The following PCDHGB2 variants were observed in gnomAD, a reference collection of about 807,000 sequenced individuals.
PCDHGB2 encodes the protein protocadherin gamma-B2.
A neutral mutation model predicts 59.3 loss-of-function variants in PCDHGB2; 55 were observed. The observed-to-expected ratio is 0.93, with a 90% CI of 0.75 to 1.16. The LOEUF (loss-of-function observed/expected upper bound fraction) is 1.16, where lower values mean the gene tolerates loss of function less well. Among genes scored for constraint, PCDHGB2 ranks in the 50% most tolerant of loss-of-function variants. The probability of loss-of-function intolerance (pLI) is 0.00; values close to 1 mark genes in which losing one functional copy is unlikely to be tolerated. For missense variants in PCDHGB2, 1,228 were observed against 1,198.5 expected (o/e 1.02, Z -0.36); for synonymous variants, 516 against 512.0 (o/e 1.01, Z -0.11).
intron 1 of PCDHGB2, chr5:141,365,891 G>A (rs1764189637): frequency 1.2e-6 from 2 of 1,614,018 alleles, no homozygotes; most frequent in Non-Finnish European, 1.7e-6. Flanking sequence ...GAGATCCTTC[G>A]ACTATGAGCA....
chr5:141,423,574 C>T (rs953989787), intron 1 of PCDHGB2: 2 of 1,613,328 alleles, frequency 1.2e-6, no homozygotes, highest in Non-Finnish European at 1.7e-6. Flanking sequence ...GCTCATCAGC[C>T]AGGAGAGCTG....
intron 1 of PCDHGB2, among the ~76,000 whole-genome samples, chr5:141,458,890 C>A (rs369529373): frequency 2.0e-5 from 3 of 152,042 alleles, no homozygotes; most frequent in African/African-American, 7.2e-5. Flanking sequence ...GCACACCATG[C>A]GCAGCTAATT....
chr5:141,413,760 C>G (rs778067298), intron 1 of PCDHGB2: 2 of 1,613,250 alleles, frequency 1.2e-6, no homozygotes, highest in African/African-American at 2.7e-5. Context: ...GCGTCAAGTA[C>G]CCGGAGCTGG....
rs1452714844 is a variant in PCDHGB2, at chr5:141,389,265, G to A, written c.2421+26709G>A. ...GTCTTCCTATATAGTCCACGTGGCC[G>A]AGAACAACCCGCCTGGAGCCTCTAT... On this transcript the variant is annotated intron_variant, in intron 1 of 3. Transcript: ENST00000522605. 3.7e-6 allele frequency: 6 copies of A among 1,613,886 alleles called. No homozygotes were observed. The highest frequency in any genetic ancestry group is 4.5e-5 in the East Asian group (2 of 44,886).
chr5:141,418,497 CCG>C, intron 1 of PCDHGB2: 1 of 1,613,994 alleles, frequency 6.2e-7, no homozygotes, highest in Non-Finnish European at 8.5e-7. Flanking sequence ...TTGGTACTGA[CCG>C]CCTTAGATGG....
chr5:141,405,141 A>T (rs749502643), intron 1 of PCDHGB2: 4 of 1,613,862 alleles, frequency 2.5e-6, no homozygotes, highest in African/African-American at 1.3e-5. Flanking sequence ...GCTACCAGTG[A>T]TGGGTTGGCT....
intron 1 of PCDHGB2, chr5:141,376,025 G>A (rs1561571387): frequency 6.2e-7 from 1 of 1,613,266 alleles, no homozygotes; most frequent in East Asian, 2.2e-5. Flanking sequence ...GGCCGTCCAG[G>A]ACCACGGCCA....
intron 1 of PCDHGB2, chr5:141,364,326 A>T (rs1186255733): frequency 7.2e-6 from 11 of 1,528,198 alleles, no homozygotes; most frequent in Non-Finnish European, 9.6e-6. Context: ...GGCAGAGAGA[A>T]GGCAATGGCG....
At chr5:141,409,047 G>T in intron 1 of PCDHGB2, 2 of 1,613,982 alleles carry the variant, frequency 1.2e-6, no homozygotes, top group Admixed American at 1.7e-5. Flanking sequence ...TACTACTTCC[G>T]AAGCACTGCC....
At chr5:141,416,993 C>T (rs1230909560) in intron 1 of PCDHGB2, 1 of 151,494 alleles carries the variant, frequency 6.6e-6, no homozygotes, top group Non-Finnish European at 1.5e-5. Context: ...ATTGTGCATT[C>T]ATCTCAAATA....
rs765818637 is a variant in PCDHGB2 at position 141,409,918 on chromosome 5, C to T, written c.2421+47362C>T. ...ACCCAGCTCTGGGTCCTGACGGCTC[C>T]GCGTTCTTCGATATGGTACCTCGCT... On this transcript the variant is annotated intron_variant, in intron 1 of 3. Coordinates refer to ENST00000522605, the MANE Select transcript of PCDHGB2 (RefSeq NM_018923.3). 1.9e-6 allele frequency: 3 copies of T among 1,613,222 alleles called. No individual in the cohort carries two copies. In the African/African-American group the frequency reaches 4.0e-5, roughly 22 times the overall value.
rs775416808 is a variant in PCDHGB2, at chr5:141,429,727, G to A, written c.2422-65080G>A. ...TAAATATTTACGCTCATGAAAGTAC[G>A]TAGCCAGTTATTTCTTAGGGAGAAT... On this transcript the variant is annotated intron_variant, in intron 1 of 3. Transcript: ENST00000522605. 7.2e-5 allele frequency among the ~76,000 whole-genome samples: 11 copies of A among 152,158 alleles called. 1 individual carries two copies. The highest frequency in any genetic ancestry group is 1.9e-4 in the East Asian group (1 of 5,188).
At chr5:141,452,511 A>G (rs573632978) in intron 1 of PCDHGB2, among the ~76,000 whole-genome samples, 1 of 152,056 alleles carries the variant, frequency 6.6e-6, no homozygotes, top group South Asian at 2.1e-4. Context: ...TTGTACACAC[A>G]CTCCCTCAAA....
intron 1 of PCDHGB2, chr5:141,415,791 C>CTTT: frequency 1.5e-6 from 2 of 1,341,938 alleles, no homozygotes; most frequent in Non-Finnish European, 1.9e-6. Flanking sequence ...GTAAAATTCA[C>CTTT]CTAGTCTCAA....
intron 1 of PCDHGB2, chr5:141,403,381 C>T (rs1022563452): frequency 4.3e-6 from 7 of 1,614,038 alleles, no homozygotes; most frequent in Non-Finnish European, 8.5e-7. Context: ...TAAAAATTAA[C>T]GAAATCGCGG....
rs145569377 is a variant in PCDHGB2 at position 141,455,860 on chromosome 5, ATTATTTATTTATTTAT to A, written c.2422-38908_2422-38893del. Among the ~76,000 whole-genome samples, 551 of 139,848 alleles carry A rather than the reference ATTATTTATTTATTTAT, an allele frequency of 3.9e-3. 2 individuals carry two copies. The highest frequency in any genetic ancestry group is 9.7e-3 in the South Asian group (42 of 4,344). The allele number at this position is 139,848 out of a possible 152,430, so 91.7% of individuals were successfully genotyped here. ...CTATCTGCATAAAATAATTTCTTTTATTATTTATTTATTTATTTATTTATTTATTTATTTATTTATT... is the reference window on the plus strand; with the variant it reads ...CTATCTGCATAAAATAATTTCTTTTATTATTTATTTATTTATTTATTTATT... On this transcript the variant is annotated intron_variant, in intron 1 of 3. Transcript: ENST00000522605.
At chr5:141,399,129 A>G (rs1280077247) in intron 1 of PCDHGB2, 2 of 1,613,848 alleles carry the variant, frequency 1.2e-6, no homozygotes, top group Non-Finnish European at 8.5e-7. Context: ...TTAATATTCA[A>G]GATGAAAATG....
In PCDHGB2 at chr5:141,485,051, CCGAACCGCG is replaced by C. The variant is rs2099605816; in HGVS notation, c.2422-9754_2422-9746del. On this transcript the variant is annotated intron_variant, in intron 1 of 3. Coordinates refer to ENST00000522605, the MANE Select transcript of PCDHGB2 (RefSeq NM_018923.3). This position sits in a 1 kb window ranked among gnomAD's most constrained non-coding sequence, Gnocchi z 5.7. ...CGGCGCGTAACCCTTGCGGCGCCGG[CCGAACCGCG>C]CCAGAGCTGGCGCGGGGAAAGGGAG... 1.2e-6 allele frequency: 1 copy of C among 801,304 alleles called. No individual in the cohort carries two copies. Among genetic ancestry groups the C allele is most frequent in the East Asian group, 2.5e-5 (1 of 40,224 alleles). 49.6% of individuals were successfully genotyped at this position (801,304 alleles called of 1,614,324 possible). A position where few individuals can be genotyped will look rare whatever the true frequency, so the allele number is the denominator to read the frequency against.
chr5:141,410,502 T>C, intron 1 of PCDHGB2: 2 of 1,614,018 alleles, frequency 1.2e-6, no homozygotes, highest in Non-Finnish European at 1.7e-6. Context: ...TTTAATTTCC[T>C]AAAATGCAGT....
Sources: allele counts gnomAD v4.1 joint callset (sites outside exome capture counted in the v4.1 genomes callset), GRCh38; gene constraint gnomAD v4.1.1; non-coding constraint Gnocchi (gnomAD v3.1); transcripts MANE v1.5; gene names NCBI Gene and HGNC (gene_info 2026-07-23, HGNC 2026-07-21).